Variants in ADAMTSL1 observed in about 807,000 individuals in gnomAD.
ADAMTSL1 encodes ADAMTS-like protein 1.
A neutral mutation model predicts 201.8 loss-of-function variants in ADAMTSL1; 126 were observed. The observed-to-expected ratio is 0.62, with a 90% CI of 0.54 to 0.72. ADAMTSL1 has a LOEUF of 0.72. Ranked by LOEUF, ADAMTSL1 falls within the 30% of genes least tolerant of loss-of-function variation. ADAMTSL1 has a pLI of 0.00. For synonymous variants in ADAMTSL1, 1,121 were observed against 903.4 expected, an observed-to-expected ratio of 1.24 and a Z score of -4.32; for missense variants, 2,679 against 2,277.8, an observed-to-expected ratio of 1.18 and a Z score of -3.59.
chr9:18,164,803 T>C (rs1352783235), intron 2 of ADAMTSL1, among the ~76,000 whole-genome samples: 1 of 152,076 alleles, frequency 6.6e-6, no homozygotes, highest in East Asian at 1.9e-4. Context: ...ACCCTAACTC[T>C]TGACTGCCCT....
chr9:18,358,981 G>C (rs1297337266), intron 2 of ADAMTSL1, among the ~76,000 whole-genome samples: 1 of 152,088 alleles, frequency 6.6e-6, no homozygotes, highest in Non-Finnish European at 1.5e-5. Context: ...TAGGGGTTGG[G>C]AGTGTCTTAA....
chr9:18,308,183 C>G (rs892118435), intron 2 of ADAMTSL1, among the ~76,000 whole-genome samples: 1 of 152,112 alleles, frequency 6.6e-6, no homozygotes, highest in East Asian at 1.9e-4. Context: ...CTCTGGGACA[C>G]AGCTAAAGCA....
intron 7 of ADAMTSL1, among the ~76,000 whole-genome samples, chr9:18,656,475 A>G (rs1272008575): frequency 1.3e-5 from 2 of 151,836 alleles, no homozygotes; most frequent in African/African-American, 4.8e-5. Flanking sequence ...TAAAAATACA[A>G]AAAATTAGCC....
At chr9:18,759,464 T>C (rs934621089) in intron 16 of ADAMTSL1, among the ~76,000 whole-genome samples, 1 of 152,256 alleles carries the variant, frequency 6.6e-6, no homozygotes, top group Non-Finnish European at 1.5e-5. Flanking sequence ...GTAATCAGTT[T>C]TGTTATATTC....
At position 18,680,294 on chromosome 9, in the gene ADAMTSL1, C is replaced by G. The variant is rs1187453806; in HGVS notation, c.1137-18C>G. The G allele has an allele frequency of 6.2e-7, 1 of 1,612,360 alleles. No individual in the cohort carries two copies. Among genetic ancestry groups the G allele is most frequent in the South Asian group, 1.1e-5 (1 of 90,774 alleles). ...GCAATGTGCATGTCTGCCCTGATGA[C>G]TCCCCTTGCTTCTGTAGGTGGGAGG... On this transcript the variant is annotated intron_variant, in intron 10 of 28. Coordinates refer to ENST00000380548, the MANE Select transcript of ADAMTSL1 (RefSeq NM_001040272.6).
chr9:18,870,328 G>A (rs1329169647), intron 23 of ADAMTSL1, among the ~76,000 whole-genome samples: 1 of 152,130 alleles, frequency 6.6e-6, no homozygotes, highest in African/African-American at 2.4e-5. Context: ...CGGATATAGA[G>A]GCTCTGAATT....
intron 4 of ADAMTSL1, among the ~76,000 whole-genome samples, chr9:18,595,763 G>A (rs555123525): frequency 6.6e-5 from 10 of 152,384 alleles, no homozygotes; most frequent in African/African-American, 2.4e-4. Flanking sequence ...CCCCTTGGCA[G>A]ATGATTTTGG....
At chr9:18,636,765 A>G (rs1369233019) in intron 6 of ADAMTSL1, among the ~76,000 whole-genome samples, 3 of 152,266 alleles carry the variant, frequency 2.0e-5, no homozygotes, top group Middle Eastern at 3.4e-3. Flanking sequence ...AAAGAAGAGG[A>G]TGGGAGGGGA....
intron 2 of ADAMTSL1, among the ~76,000 whole-genome samples, chr9:18,249,718 A>G (rs1260258387): frequency 6.6e-6 from 1 of 152,214 alleles, no homozygotes; most frequent in Non-Finnish European, 1.5e-5. Context: ...CCCTACGGAT[A>G]CATAGGTCTC....
At chr9:18,425,882 G>A (rs148680591) in intron 2 of ADAMTSL1, among the ~76,000 whole-genome samples, 2,283 of 140,192 alleles carry the variant, frequency 0.016, 52 homozygotes, top group Admixed American at 0.063. Context: ...AAAAAAAGAC[G>A]TGTATAGATT....
chr9:18,616,968 C>T (rs917914367), intron 4 of ADAMTSL1, among the ~76,000 whole-genome samples: 8 of 152,114 alleles, frequency 5.3e-5, no homozygotes, highest in Admixed American at 4.6e-4. Context: ...CACACTGTTA[C>T]CCATAAAGTT....
intron 23 of ADAMTSL1, 95 bp downstream of exon 23, chr9:18,830,072 C>A: frequency 6.8e-7 from 1 of 1,470,092 alleles, no homozygotes; most frequent in Non-Finnish European, 9.1e-7. Context: ...AGGCAGCAGT[C>A]GGGGGTGGCC....
intron 16 of ADAMTSL1, among the ~76,000 whole-genome samples, chr9:18,762,587 G>A (rs555876851): frequency 1.3e-5 from 2 of 152,036 alleles, no homozygotes; most frequent in South Asian, 4.2e-4. Context: ...CAAATAGTAG[G>A]TCTTATTCTA....
intron 2 of ADAMTSL1, among the ~76,000 whole-genome samples, chr9:18,523,035 G>A (rs993792786): frequency 6.6e-6 from 1 of 152,120 alleles, no homozygotes; most frequent in African/African-American, 2.4e-5. Context: ...CACAATGGTT[G>A]AACCAGTTTA....
intron 1 of ADAMTSL1, among the ~76,000 whole-genome samples, chr9:18,121,847 C>T (rs1164125117): frequency 6.6e-6 from 1 of 152,092 alleles, no homozygotes; most frequent in Non-Finnish European, 1.5e-5. Flanking sequence ...ACTGACTCTG[C>T]ACCCATCACC....
chr9:18,012,993 AT>A (rs757574601), intron 1 of ADAMTSL1, among the ~76,000 whole-genome samples: 20 of 124,210 alleles, frequency 1.6e-4, no homozygotes, highest in Non-Finnish European at 2.4e-4. Context: ...ACTTACCAGC[AT>A]TTTTTTTTTC....
chr9:18,867,424 C>T (rs1827602376), intron 23 of ADAMTSL1, among the ~76,000 whole-genome samples: 1 of 152,156 alleles, frequency 6.6e-6, no homozygotes, highest in African/African-American at 2.4e-5. Context: ...AGAGTCATTC[C>T]TGATGATTTA....
chr9:18,690,988 T>C (rs1831179010), intron 13 of ADAMTSL1, among the ~76,000 whole-genome samples: 1 of 152,214 alleles, frequency 6.6e-6, no homozygotes, highest in South Asian at 2.1e-4. Flanking sequence ...AACCAGTCTT[T>C]GCCCTCAAGA....
At chr9:18,611,617 G>T (rs998026231) in intron 4 of ADAMTSL1, among the ~76,000 whole-genome samples, 1 of 152,124 alleles carries the variant, frequency 6.6e-6, no homozygotes, top group Non-Finnish European at 1.5e-5. Context: ...TTTAATAAAC[G>T]TTAGAAATCA....
Sources: gnomAD v4.1 joint callset for allele counts (sites outside exome capture counted in the v4.1 genomes callset) on GRCh38, gnomAD v4.1.1 for gene constraint, MANE v1.5 for transcripts, NCBI Gene and HGNC (gene_info 2026-07-23, HGNC 2026-07-21) for gene names.